TTC6: variants seen among roughly 807,000 people sequenced by gnomAD.
TTC6 encodes the protein tetratricopeptide repeat protein 6.
TTC6 carries 172 observed loss-of-function variants against 210.4 expected under a neutral mutation model. That is an observed-to-expected ratio of 0.82 (90% CI 0.72 to 0.93). TTC6 has a LOEUF of 0.93. Ranked by LOEUF, TTC6 falls within the 40% of genes least tolerant of loss-of-function variation. The pLI, the probability that TTC6 is intolerant of heterozygous loss-of-function variation, is 0.00. For synonymous variants in TTC6, 804 were observed against 819.6 expected (o/e 0.98, Z 0.32); for missense variants, 2,414 against 2,318.1 (o/e 1.04, Z -0.85).
intron 10 of TTC6, 34 bp from the exon 13 acceptor site, chr14:37,748,905 T>C (rs1176245881): frequency 7.1e-7 from 1 of 1,408,990 alleles, no homozygotes; most frequent in Admixed American, 2.9e-5. Context: ...ATTGTATTTC[T>C]GTAATTTAAA....
intron 6 of TTC6, among the ~76,000 whole-genome samples, chr14:37,715,541 G>T (rs537767923): frequency 1.3e-5 from 2 of 152,070 alleles, no homozygotes; most frequent in South Asian, 4.2e-4. Flanking sequence ...AGACTTCCAA[G>T]CAAAGAAAGT....
At chr14:37,668,192 C>T (rs1167082065) in intron 1 of TTC6, among the ~76,000 whole-genome samples, 2 of 150,302 alleles carry the variant, frequency 1.3e-5, no homozygotes, top group Non-Finnish European at 3.0e-5. Flanking sequence ...GAATTCCAAA[C>T]CGTAGATAGC....
At chr14:37,745,810 G>T (rs1284892274) in intron 10 of TTC6, among the ~76,000 whole-genome samples, 4 of 152,146 alleles carry the variant, frequency 2.6e-5, no homozygotes, top group Non-Finnish European at 5.9e-5. Context: ...AATTCACTGT[G>T]TATACCTAAG....
chr14:37,658,647 A>G (rs1282774287), intron 1 of TTC6, among the ~76,000 whole-genome samples: 1 of 152,186 alleles, frequency 6.6e-6, no homozygotes, highest in Non-Finnish European at 1.5e-5. Flanking sequence ...TGGGTGAAAG[A>G]TACCTTAAAA....
chr14:37,596,510 G>C (rs2095604931), intron 1 of TTC6, among the ~76,000 whole-genome samples: 1 of 152,256 alleles, frequency 6.6e-6, no homozygotes, highest in African/African-American at 2.4e-5. Flanking sequence ...TGAGGCCCTG[G>C]GTGGTGGTTG....
At chr14:37,773,903 T>G (rs537489022) in intron 14 of TTC6, among the ~76,000 whole-genome samples, 1 of 152,320 alleles carries the variant, frequency 6.6e-6, no homozygotes, top group Non-Finnish European at 1.5e-5. Context: ...GGAATGTTTT[T>G]TTCGTTTGTT....
Position 37,717,644 on chromosome 14 carries a change from C to T in TTC6, c.1713+2848C>T, listed in dbSNP as rs563511782. ...CACACATTTAAGGAACAATTAACAG[C>T]GATTCTATACAATCTCTTTCAGAAA... On this transcript the variant is annotated intron_variant, in intron 6 of 30. Coordinates refer to ENST00000553443, the Ensembl canonical transcript of TTC6. 1.4e-4 allele frequency among the ~76,000 whole-genome samples: 22 copies of T among 152,060 alleles called. No homozygotes were observed. In the South Asian group the frequency reaches 3.3e-3, roughly 23 times the overall value.
At chr14:37,625,877 G>A (rs1009722207) in intron 1 of TTC6, among the ~76,000 whole-genome samples, 1 of 152,160 alleles carries the variant, frequency 6.6e-6, no homozygotes, top group East Asian at 1.9e-4. Context: ...CAAAGAATAC[G>A]GAGGGTTAAA....
At chr14:37,667,093 T>A (rs764586306) in intron 1 of TTC6, among the ~76,000 whole-genome samples, 1 of 150,422 alleles carries the variant, frequency 6.6e-6, no homozygotes, top group Non-Finnish European at 1.5e-5. Flanking sequence ...TGTTTTCTTT[T>A]GATTTTAAAA....
intron 6 of TTC6, among the ~76,000 whole-genome samples, chr14:37,716,372 T>C (rs1309795849): frequency 6.6e-6 from 1 of 152,102 alleles, no homozygotes; most frequent in Non-Finnish European, 1.5e-5. Context: ...ATGGTTTGAA[T>C]TTAGCAATTA....
chr14:37,700,689 G>T (rs1222673924), intron 4 of TTC6, among the ~76,000 whole-genome samples: 1 of 128,220 alleles, frequency 7.8e-6, no homozygotes, highest in African/African-American at 3.0e-5. Flanking sequence ...GTTGCAGTGA[G>T]CCAAGATTGT....
At chr14:37,802,210 G>A (rs1230805897) in intron 20 of TTC6, 1 of 152,038 alleles carries the variant, frequency 6.6e-6, no homozygotes, top group East Asian at 1.9e-4. Flanking sequence ...CACAAGGAGG[G>A]GAACAACACA....
At chr14:37,718,548 GA>G (rs2095856329) in intron 6 of TTC6, among the ~76,000 whole-genome samples, 2 of 137,342 alleles carry the variant, frequency 1.5e-5, no homozygotes, top group African/African-American at 5.4e-5. Context: ...ATTAAGGCAA[GA>G]AGTGGGAAAA....
chr14:37,650,661 G>A (rs970548969), intron 1 of TTC6, among the ~76,000 whole-genome samples: 1 of 152,110 alleles, frequency 6.6e-6, no homozygotes, highest in Non-Finnish European at 1.5e-5. Context: ...GATCTGTGAG[G>A]TCAGGTCGTT....
chr14:37,625,602 A>G (rs1468442129), intron 1 of TTC6, among the ~76,000 whole-genome samples: 1 of 151,986 alleles, frequency 6.6e-6, no homozygotes, highest in Non-Finnish European at 1.5e-5. Flanking sequence ...TGTCCAAATT[A>G]TGATTTTAAA....
At chr14:37,770,828 G>T (rs1243152883) in intron 14 of TTC6, among the ~76,000 whole-genome samples, 2 of 149,262 alleles carry the variant, frequency 1.3e-5, no homozygotes, top group Non-Finnish European at 3.0e-5. Context: ...TGTTATGTGT[G>T]AATTTGATCC....
chr14:37,817,655 T>G lies in TTC6; in HGVS notation c.4763+4T>G. 3.2e-5 allele frequency: 51 copies of G among 1,613,262 alleles called. No individual in the cohort carries two copies. Among genetic ancestry groups the G allele is most frequent in the African/African-American group, 5.3e-5 (4 of 75,042 alleles). On this transcript the variant is annotated splice_donor_region_variant and intron_variant, in intron 26 of 30. Transcript: ENST00000553443. ...CCACTGCCATGTGCCATCACAGGTA[T>G]GGAGTGCAATTGATGTCAAAGTGGA...
intron 6 of TTC6, 22 bp from the exon 9 acceptor site, chr14:37,724,876 A>G: frequency 7.2e-7 from 1 of 1,382,470 alleles, no homozygotes. Flanking sequence ...ATTTCTAATA[A>G]CCTTTTATGT....
intron 8 of TTC6, 132 bp from the exon 11 acceptor site, chr14:37,737,528 G>T: frequency 2.1e-6 from 1 of 469,602 alleles, no homozygotes; most frequent in Non-Finnish European, 3.7e-6. Flanking sequence ...TTCAAACTCA[G>T]TATCTGTATT....
Sources: allele counts gnomAD v4.1 joint callset (sites outside exome capture counted in the v4.1 genomes callset), GRCh38; gene constraint gnomAD v4.1.1; transcripts MANE v1.5; gene names NCBI Gene and HGNC (gene_info 2026-07-23, HGNC 2026-07-21).